The following DCC variants were observed in gnomAD, a reference collection of about 807,000 sequenced individuals.
DCC encodes the protein DCC netrin 1 receptor.
In DCC, 58 loss-of-function variants were observed where a neutral mutation model predicts 172.5. That is an observed-to-expected ratio of 0.34 (90% CI 0.27 to 0.42). The LOEUF (loss-of-function observed/expected upper bound fraction) is 0.42, where lower values mean the gene tolerates loss of function less well. Among genes scored for constraint, DCC ranks in the 10% least tolerant of loss-of-function variants. The pLI, the probability that DCC is intolerant of heterozygous loss-of-function variation, is 1.00. For synonymous variants in DCC, 709 were observed against 644.5 expected, an observed-to-expected ratio of 1.10 and a Z score of -1.52; for missense variants, 1,740 against 1,791.0, an observed-to-expected ratio of 0.97 and a Z score of 0.51.
chr18:53,105,225 G>C (rs2043227995), intron 7 of DCC, among the ~76,000 whole-genome samples: 1 of 151,986 alleles, frequency 6.6e-6, no homozygotes, highest in African/African-American at 2.4e-5. Context: ...AATTTCCTTA[G>C]CAGGCAGTTT....
At chr18:52,608,876 T>C (rs940890938) in intron 1 of DCC, among the ~76,000 whole-genome samples, 1 of 152,162 alleles carries the variant, frequency 6.6e-6, no homozygotes, top group Non-Finnish European at 1.5e-5. Flanking sequence ...CTGAGATATG[T>C]GCACAACTCA....
At chr18:52,459,721 A>G (rs749904736) in intron 1 of DCC, among the ~76,000 whole-genome samples, 14 of 151,924 alleles carry the variant, frequency 9.2e-5, no homozygotes, top group Non-Finnish European at 1.9e-4. Flanking sequence ...TGCCCGCCTC[A>G]GCCTCCCAAA....
chr18:53,302,327 A>G (rs919999887), intron 12 of DCC, among the ~76,000 whole-genome samples: 1 of 152,134 alleles, frequency 6.6e-6, no homozygotes, highest in Non-Finnish European at 1.5e-5. Context: ...GCAGATTTCC[A>G]TCACCCCAAA....
intron 16 of DCC, among the ~76,000 whole-genome samples, chr18:53,390,862 T>C (rs751234794): frequency 5.3e-5 from 8 of 152,208 alleles, no homozygotes; most frequent in Non-Finnish European, 1.2e-4. Flanking sequence ...TGTAGGAATG[T>C]GTAATATGGG....
intron 27 of DCC, among the ~76,000 whole-genome samples, chr18:53,516,722 G>C (rs1382879215): frequency 4.7e-5 from 7 of 149,090 alleles, no homozygotes; most frequent in Non-Finnish European, 1.0e-4. Context: ...GGCCATCAGA[G>C]AAATGCAAAT....
intron 9 of DCC, among the ~76,000 whole-genome samples, chr18:53,191,477 A>G (rs1006706211): frequency 1.3e-5 from 2 of 152,142 alleles, no homozygotes; most frequent in Admixed American, 6.5e-5. Flanking sequence ...ATTTTGTAGT[A>G]TTACAACTAA....
chr18:53,007,342 C>T (rs1339628506), intron 5 of DCC, among the ~76,000 whole-genome samples: 1 of 152,076 alleles, frequency 6.6e-6, no homozygotes, highest in African/African-American at 2.4e-5. Context: ...AATGAGCAAT[C>T]AAACCACAAA....
intron 15 of DCC, among the ~76,000 whole-genome samples, chr18:53,353,316 C>G (rs1044489944): frequency 6.6e-6 from 1 of 150,720 alleles, no homozygotes; most frequent in Non-Finnish European, 1.5e-5. Flanking sequence ...ATATAGGAGC[C>G]AATTCTATTT....
chr18:52,780,506 TAA>T (rs1199372430), intron 2 of DCC, among the ~76,000 whole-genome samples: 1 of 152,174 alleles, frequency 6.6e-6, no homozygotes, highest in Non-Finnish European at 1.5e-5. Context: ...TTACTTAATC[TAA>T]GTTTTATATG....
intron 3 of DCC, among the ~76,000 whole-genome samples, chr18:52,916,287 G>C (rs1205067957): frequency 1.3e-5 from 2 of 151,454 alleles, no homozygotes; most frequent in Non-Finnish European, 2.9e-5. Context: ...TTCACACTTG[G>C]ATACTTGTTA....
chr18:53,411,837 G>A (rs1290796754), intron 20 of DCC, among the ~76,000 whole-genome samples: 1 of 152,072 alleles, frequency 6.6e-6, no homozygotes, highest in Non-Finnish European at 1.5e-5. Context: ...GTCTAAATCA[G>A]GTTTCACTCC....
chr18:52,789,105 A>G (rs907832728), intron 2 of DCC, among the ~76,000 whole-genome samples: 1 of 152,144 alleles, frequency 6.6e-6, no homozygotes, highest in African/African-American at 2.4e-5. Context: ...CTCTCTAGTT[A>G]TTCCCCACAC....
At chr18:52,515,853 A>T (rs926141737) in intron 1 of DCC, among the ~76,000 whole-genome samples, 1 of 150,638 alleles carries the variant, frequency 6.6e-6, no homozygotes, top group African/African-American at 2.4e-5. Context: ...CACATCTCTG[A>T]AAAAGAACTA....
intron 1 of DCC, among the ~76,000 whole-genome samples, chr18:52,744,861 A>AAAG (rs2036883220): frequency 1.3e-5 from 2 of 152,228 alleles, no homozygotes; most frequent in African/African-American, 2.4e-5. Context: ...AAATGGAATA[A>AAAG]AAGAAAGGCA....
At chr18:52,442,882 CA>C (rs1598822168) in intron 1 of DCC, among the ~76,000 whole-genome samples, 2 of 152,108 alleles carry the variant, frequency 1.3e-5, no homozygotes, top group African/African-American at 2.4e-5. Flanking sequence ...TCATGGGGAT[CA>C]GGGGTAAAGC....
chr18:53,005,634 A>G (rs939596200), intron 5 of DCC, among the ~76,000 whole-genome samples: 1 of 152,188 alleles, frequency 6.6e-6, no homozygotes, highest in African/African-American at 2.4e-5. Context: ...AGACTGAGCC[A>G]GGAGAATCGA....
At chr18:53,130,799 C>T (rs2043639715) in intron 7 of DCC, among the ~76,000 whole-genome samples, 1 of 152,102 alleles carries the variant, frequency 6.6e-6, no homozygotes. Flanking sequence ...CCTGTCTTCT[C>T]TTCACATTCC....
At chr18:53,527,400 A>AAAT (rs1455361925) in intron 28 of DCC, among the ~76,000 whole-genome samples, 1 of 151,838 alleles carries the variant, frequency 6.6e-6, no homozygotes, top group Non-Finnish European at 1.5e-5. Context: ...TTATTCTCTA[A>AAAT]AATTAAAAAA....
intron 25 of DCC, among the ~76,000 whole-genome samples, chr18:53,478,841 T>C (rs2045798790): frequency 6.6e-6 from 1 of 152,224 alleles, no homozygotes; most frequent in Admixed American, 6.5e-5. Context: ...ACTGGAGTTC[T>C]ATTGACTCTA....
Sources: allele counts gnomAD v4.1 joint callset (sites outside exome capture counted in the v4.1 genomes callset), GRCh38; gene constraint gnomAD v4.1.1; transcripts MANE v1.5; gene names NCBI Gene and HGNC (gene_info 2026-07-23, HGNC 2026-07-21).